The following PUDP variants were observed in gnomAD, a reference collection of about 807,000 sequenced individuals.
PUDP encodes the protein pseudouridine 5'-phosphatase, also known as pseudouridine-5'-phosphatase.
In PUDP, 8 loss-of-function variants were observed where a neutral mutation model predicts 9.4. The observed-to-expected ratio is 0.85, with a 90% CI of 0.50 to 1.53. The LOEUF is 1.53. PUDP is among the 40% of genes most tolerant of loss of function. PUDP has a pLI of 0.00. For synonymous variants in PUDP, 99 were observed against 80.7 expected (o/e 1.23, Z -1.22); for missense variants, 188 against 189.7 (o/e 0.99, Z 0.05).
chrX:7,077,037 G>A lies in PUDP; in HGVS notation c.510+183C>T, dbSNP rs147662614. On this transcript the variant is annotated intron_variant, in intron 3 of 3. Coordinates refer to ENST00000381077, the MANE Select transcript of PUDP (RefSeq NM_012080.5). ...GGCCTGGTGACTTAGGTGCGGCCACGATTCCTCACAAAATCTTCCAACCAG... is the reference window on the plus strand; with the variant it reads ...GGCCTGGTGACTTAGGTGCGGCCACAATTCCTCACAAAATCTTCCAACCAG... Among the ~76,000 whole-genome samples, 555 of 112,031 alleles carry A rather than the reference G, an allele frequency of 5.0e-3. 3 individuals carry two copies. The highest frequency in any genetic ancestry group is 0.017 in the African/African-American group (521 of 30,826).
chrX:6,985,235 C>T (rs186081734), intron 1 of PUDP, among the ~76,000 whole-genome samples: 1 of 112,201 alleles, frequency 8.9e-6, no homozygotes, highest in Non-Finnish European at 1.9e-5. Context: ...CTAAGCTATA[C>T]ATCTATGTGT....
intron 3 of PUDP, among the ~76,000 whole-genome samples, chrX:6,794,841 G>T (rs1272547592): frequency 1.8e-5 from 2 of 108,932 alleles, no homozygotes; most frequent in African/African-American, 3.3e-5. Context: ...TTACAGGTGT[G>T]AGCCACCACA....
chrX:6,867,002 T>C (rs1927097224), intron 3 of PUDP, among the ~76,000 whole-genome samples: 1 of 111,055 alleles, frequency 9.0e-6, no homozygotes, highest in Non-Finnish European at 1.9e-5. Context: ...TGGATTTCAA[T>C]CATGATTTCA....
At chrX:6,950,820 T>C (rs1295910390) in intron 3 of PUDP, among the ~76,000 whole-genome samples, 1 of 112,337 alleles carries the variant, frequency 8.9e-6, no homozygotes, top group Non-Finnish European at 1.9e-5. Flanking sequence ...GGAAAGCAGA[T>C]GGCCCACTCT....
upstream of PUDP, among the ~76,000 whole-genome samples, chrX:6,723,432 C>CAAAAAAAAAAAAAA: frequency 5.8e-5 from 1 of 17,340 alleles, no homozygotes; most frequent in Non-Finnish European, 1.4e-4. Flanking sequence ...GAGGCTCTGT[C>CAAAAAAAAAAAAAA]AAAAAAAAAA....
At chrX:6,937,635 A>G (rs1456616878) in intron 3 of PUDP, among the ~76,000 whole-genome samples, 1 of 94,923 alleles carries the variant, frequency 1.1e-5, no homozygotes, top group East Asian at 3.4e-4. Flanking sequence ...GACAAATGGG[A>G]TCTAATTAAA....
At chrX:6,978,048 C>T (rs1928980232) in intron 2 of PUDP, among the ~76,000 whole-genome samples, 1 of 112,358 alleles carries the variant, frequency 8.9e-6, no homozygotes, top group Non-Finnish European at 1.9e-5. Flanking sequence ...GTACATGGCA[C>T]TGATGATTCC....
intron 3 of PUDP, among the ~76,000 whole-genome samples, chrX:6,776,940 C>T (rs1191718656): frequency 8.9e-6 from 1 of 112,357 alleles, no homozygotes; most frequent in Non-Finnish European, 1.9e-5. Context: ...AATTCAGAAT[C>T]ATAATTACCA....
intron 3 of PUDP, among the ~76,000 whole-genome samples, chrX:6,733,249 C>T (rs1346217502): frequency 8.9e-6 from 1 of 111,758 alleles, no homozygotes; most frequent in Non-Finnish European, 1.9e-5. Context: ...AGACTTGAGG[C>T]AGAGGAGGGA....
intron 3 of PUDP, among the ~76,000 whole-genome samples, chrX:6,932,619 G>A (rs1221380748): frequency 2.0e-5 from 2 of 100,490 alleles, no homozygotes; most frequent in African/African-American, 3.5e-5. Flanking sequence ...GACAGTGGGC[G>A]CAGGTCAGTG....
chrX:6,830,713 T>C (rs1366971271), intron 3 of PUDP, among the ~76,000 whole-genome samples: 1 of 112,120 alleles, frequency 8.9e-6, no homozygotes, highest in African/African-American at 3.2e-5. Flanking sequence ...GCACAGTGTT[T>C]TGCACAAAAA....
chrX:6,724,109 C>T (rs184601121), upstream of PUDP, among the ~76,000 whole-genome samples: 10 of 111,258 alleles, frequency 9.0e-5, no homozygotes, highest in South Asian at 1.1e-3. Context: ...TTCCGTTAAA[C>T]GGCACTGCCT....
intron 3 of PUDP, among the ~76,000 whole-genome samples, chrX:6,910,500 A>T (rs2146757119): frequency 9.0e-6 from 1 of 111,685 alleles, no homozygotes; most frequent in African/African-American, 3.3e-5. Flanking sequence ...CTCTCAGAAT[A>T]GGATACAGAA....
At chrX:7,071,097 G>T (rs1357195336) in intron 3 of PUDP, among the ~76,000 whole-genome samples, 1 of 111,365 alleles carries the variant, frequency 9.0e-6, no homozygotes, top group African/African-American at 3.3e-5. Flanking sequence ...AAAAATACAT[G>T]TATTTTTAAC....
chrX:6,772,645 A>G (rs1451150678), intron 3 of PUDP, among the ~76,000 whole-genome samples: 3 of 108,948 alleles, frequency 2.8e-5, no homozygotes, highest in East Asian at 2.9e-4. Context: ...AAAAAAAAAA[A>G]GAAGGTCAGG....
chrX:6,835,151 G>A (rs968110316), intron 3 of PUDP, among the ~76,000 whole-genome samples: 15 of 111,109 alleles, frequency 1.4e-4, no homozygotes, highest in Admixed American at 7.7e-4. Flanking sequence ...GATGAAGAAA[G>A]GCAGCCAGAA....
At chrX:7,083,469 G>C (rs1004412596) in intron 2 of PUDP, among the ~76,000 whole-genome samples, 1 of 111,654 alleles carries the variant, frequency 9.0e-6, no homozygotes, top group Non-Finnish European at 1.9e-5. Flanking sequence ...AAGAACATAT[G>C]AGGATTAAAA....
At chrX:6,903,442 T>A (rs1032511240) in intron 3 of PUDP, among the ~76,000 whole-genome samples, 2 of 111,479 alleles carry the variant, frequency 1.8e-5, no homozygotes, top group Admixed American at 9.6e-5. Flanking sequence ...CTACTGGTTA[T>A]CTACCCAAAG....
At chrX:6,871,215 T>C (rs1927170625) in intron 3 of PUDP, among the ~76,000 whole-genome samples, 1 of 111,274 alleles carries the variant, frequency 9.0e-6, no homozygotes, top group Non-Finnish European at 1.9e-5. Context: ...AGCTGAGGCT[T>C]CATCTGTAAT....
Sources: gnomAD v4.1 joint callset for allele counts (sites outside exome capture counted in the v4.1 genomes callset) on GRCh38, gnomAD v4.1.1 for gene constraint, MANE v1.5 for transcripts, NCBI Gene and HGNC (gene_info 2026-07-23, HGNC 2026-07-21) for gene names.